Variants in SMARCA2 observed in about 807,000 individuals in gnomAD.
SMARCA2 encodes SWI/SNF related BAF chromatin remodeling complex subunit ATPase 2.
A neutral mutation model predicts 199.8 loss-of-function variants in SMARCA2; 61 were observed. The ratio of observed to expected loss-of-function variants is 0.31; its 90% CI spans 0.25 to 0.38. The LOEUF is 0.38. Among genes scored for constraint, SMARCA2 ranks in the 10% least tolerant of loss-of-function variants. SMARCA2 has a pLI of 1.00. For synonymous variants in SMARCA2, 935 were observed against 732.0 expected (o/e 1.28, Z -4.48); for missense variants, 1,344 against 2,012.2 (o/e 0.67, Z 6.35).
At chr9:2,180,907 T>C (rs1305002000) in intron 29 of SMARCA2, among the ~76,000 whole-genome samples, 1 of 152,154 alleles carries the variant, frequency 6.6e-6, no homozygotes, top group Non-Finnish European at 1.5e-5. Flanking sequence ...TTGTGAAACA[T>C]GTTCTTCTTT....
intron 32 of SMARCA2, among the ~76,000 whole-genome samples, chr9:2,189,567 T>G (rs997016249): frequency 6.6e-6 from 1 of 152,142 alleles, no homozygotes; most frequent in Non-Finnish European, 1.5e-5. Flanking sequence ...GCTTCTTTCA[T>G]CTATTTCTTT....
intron 28 of SMARCA2, among the ~76,000 whole-genome samples, chr9:2,168,265 C>T (rs113608505): frequency 1.0e-3 from 153 of 152,242 alleles, no homozygotes; most frequent in African/African-American, 3.4e-3. Context: ...CCTTTCTCAG[C>T]CTCCCAAAGT....
In SMARCA2 at chr9:2,119,622, G is replaced by A; in HGVS notation, c.3762+87G>A. 2 of 886,896 alleles carry A rather than the reference G, an allele frequency of 2.3e-6. No homozygotes were observed. Among genetic ancestry groups the A allele is most frequent in the East Asian group, 2.6e-5 (1 of 38,958 alleles). 54.9% of individuals were successfully genotyped at this position (886,896 alleles called of 1,614,324 possible). A position where few individuals can be genotyped will look rare whatever the true frequency, so the allele number is the denominator to read the frequency against. On this transcript the variant is annotated intron_variant, in intron 26 of 33. Transcript: ENST00000349721. The surrounding 1 kb of genome is among the most constrained non-coding windows in gnomAD (Gnocchi z 4.6). ...CAGAATGTCTGCAGCCTGCGTGCCT[G>A]GCAGAACTTCATACGTAAAGCCTAT...
chr9:2,123,919 G>A lies in SMARCA2; in HGVS notation c.3963G>A (p.Thr1321=), dbSNP rs772015906. The part of the protein sequence containing the change: ...RRDVDYSDAL[T]EKQWLRAIED... ...ACGTGGACTACAGTGACGCCCTCAC[G>A]GAGAAGCAGTGGCTAAGGGTAAGCC... is the stretch of plus-strand genomic sequence containing the variant. Residue 1321 remains threonine, a synonymous_variant, in exon 27 of 34, where the codon ACG becomes ACA. Transcript: ENST00000349721. The surrounding 1 kb of genome is among the most constrained non-coding windows in gnomAD (Gnocchi z 4.1). 183 of 1,574,216 alleles carry A rather than the reference G, an allele frequency of 1.2e-4. No individual in the cohort carries two copies. Among genetic ancestry groups the A allele is most frequent in the Non-Finnish European group, 1.4e-4 (164 of 1,159,582 alleles).
intron 10 of SMARCA2, among the ~76,000 whole-genome samples, chr9:2,072,888 C>G (rs993867551): frequency 4.6e-5 from 7 of 152,184 alleles, no homozygotes; most frequent in African/African-American, 1.7e-4. Flanking sequence ...GGCATTGTTG[C>G]CACTGTGGTC....
chr9:2,153,239 C>G (rs1217738726), intron 27 of SMARCA2, among the ~76,000 whole-genome samples: 9 of 152,176 alleles, frequency 5.9e-5, no homozygotes. Context: ...AAGCACTGTT[C>G]AAAGTGCCCT....
At chr9:2,050,609 A>G (rs774905880) in intron 5 of SMARCA2, among the ~76,000 whole-genome samples, 11 of 151,640 alleles carry the variant, frequency 7.3e-5, no homozygotes, top group South Asian at 4.1e-4. Context: ...AAGCAGGCAT[A>G]GGCTGCTTAC....
chr9:2,156,412 GACTTTTTTTTTTTT>G (rs773418911), intron 27 of SMARCA2, among the ~76,000 whole-genome samples: 1 of 94,942 alleles, frequency 1.1e-5, no homozygotes, highest in Non-Finnish European at 2.0e-5. Flanking sequence ...TACCATTTTA[GACTTTTTTTTTTTT>G]TTTTTTTTTT....
At chr9:2,065,058 A>C (rs545391461) in intron 9 of SMARCA2, among the ~76,000 whole-genome samples, 2 of 152,106 alleles carry the variant, frequency 1.3e-5, no homozygotes, top group Non-Finnish European at 2.9e-5. Context: ...GGTGGCAGGC[A>C]CCTGTAGTCC....
intron 27 of SMARCA2, chr9:2,159,682 C>T (rs1320419878): frequency 5.2e-6 from 6 of 1,153,286 alleles, no homozygotes; most frequent in African/African-American, 1.6e-5. Context: ...AGCCTTCGGG[C>T]CTTGTAGTAG....
At chr9:2,020,224 C>T (rs1278685849) in intron 1 of SMARCA2, among the ~76,000 whole-genome samples, 1 of 152,098 alleles carries the variant, frequency 6.6e-6, no homozygotes, top group African/African-American at 2.4e-5. Flanking sequence ...TCTGATTTCT[C>T]CTTTTTAATG....
At chr9:2,075,396 G>A (rs1821278044) in intron 12 of SMARCA2, 1 of 152,208 alleles carries the variant, frequency 6.6e-6, no homozygotes, top group African/African-American at 2.4e-5. Context: ...TTCTACACCA[G>A]GTTAGTAGTG....
At chr9:2,052,446 A>T (rs1820162725) in intron 5 of SMARCA2, among the ~76,000 whole-genome samples, 1 of 152,250 alleles carries the variant, frequency 6.6e-6, no homozygotes, top group South Asian at 2.1e-4. Context: ...ACTGCACTCC[A>T]GCCTGGCCGA....
intron 4 of SMARCA2, chr9:2,045,303 A>C (rs969539165): frequency 6.6e-6 from 1 of 152,228 alleles, no homozygotes; most frequent in African/African-American, 2.4e-5. Context: ...GTTTAATTCT[A>C]CCAGCTTCTT....
Position 2,161,851 on chromosome 9 carries a change from C to G in SMARCA2, c.4147C>G (p.Leu1383Val). The G allele has an allele frequency of 6.2e-7, 1 of 1,614,122 alleles. No individual in the cohort carries two copies. The highest frequency in any genetic ancestry group is 8.5e-7 in the Non-Finnish European group (1 of 1,179,958). Residue 1383 changes from leucine to valine, a missense_variant, in exon 28 of 34, where the codon CTG (leucine) becomes GTG (valine). Around this residue, in one of 18 missense-constraint regions of SMARCA2, gnomAD observed 151 missense variants for 154.0 expected, o/e 0.98. Transcript: ENST00000349721. The surrounding 1 kb of genome is among the most constrained non-coding windows in gnomAD (Gnocchi z 4.7). ...AEKLSPNPPKLTKQMNAIIDT... is the reference protein window; with the variant it reads ...AEKLSPNPPKVTKQMNAIIDT... ...GAAACTGTCACCAAATCCCCCCAAA[C>G]TGACAAAGCAGATGAACGCTATCAT... is the stretch of plus-strand genomic sequence containing the variant.
At chr9:2,182,704 A>G (rs186704056) in intron 31 of SMARCA2, among the ~76,000 whole-genome samples, 219 of 152,148 alleles carry the variant, frequency 1.4e-3, no homozygotes, top group African/African-American at 4.8e-3. Flanking sequence ...CATGTTGGCC[A>G]GGCTGGTCTT....
At position 2,060,986 on chromosome 9, in the gene SMARCA2, G is replaced by T; in HGVS notation, c.1692G>T (p.Lys564Asn). 6.2e-7 allele frequency: 1 copy of T among 1,613,076 alleles called. No individual in the cohort carries two copies. The highest frequency in any genetic ancestry group is 8.5e-7 in the Non-Finnish European group (1 of 1,179,578). ...AGAAGAAGAGGAGGAGGAGGAAGAA[G>T]GTGCGTATCCTAGTGGTGGTGGCTG... ...KEKKKRRRRK[K>N]KAEENAEGGE... Residue 564 changes from lysine (K) to asparagine (N), a missense_variant and splice_region_variant, in exon 9 of 34, where the codon AAG (lysine) becomes AAT (asparagine). Lys to Asn is a moderately conservative substitution (Grantham distance 94). Transcript: ENST00000349721.
intron 23 of SMARCA2, among the ~76,000 whole-genome samples, chr9:2,105,403 G>T (rs560128000): frequency 1.4e-5 from 2 of 141,782 alleles, no homozygotes; most frequent in African/African-American, 6.0e-5. Flanking sequence ...GTGCCACCAC[G>T]CCCGGCTAAT....
Position 2,169,087 on chromosome 9 carries a change from T to C in SMARCA2, c.4200-1332T>C, listed in dbSNP as rs1416402048. Among the ~76,000 whole-genome samples, 1 of 152,168 alleles carries C rather than the reference T, an allele frequency of 6.6e-6. No individual in the cohort carries two copies. The highest frequency in any genetic ancestry group is 2.4e-5 in the African/African-American group (1 of 41,448). On this transcript the variant is annotated intron_variant, in intron 28 of 33. Coordinates refer to ENST00000349721, the MANE Select transcript of SMARCA2 (RefSeq NM_003070.5). This position sits in a 1 kb window ranked among gnomAD's most constrained non-coding sequence, Gnocchi z 6.5. ...TCCTAAAAGTGAAATAATGAAGACT[T>C]TCCCAATTCTGTGCCTTATTGCTGA...
Sources: allele counts gnomAD v4.1 joint callset (sites outside exome capture counted in the v4.1 genomes callset), GRCh38; gene constraint gnomAD v4.1.1; regional missense constraint gnomAD v4.1.1; non-coding constraint Gnocchi (gnomAD v3.1); transcripts MANE v1.5; gene names NCBI Gene and HGNC (gene_info 2026-07-23, HGNC 2026-07-21).